KCNH8: variants seen among roughly 807,000 people sequenced by gnomAD.
The protein encoded by KCNH8 is potassium voltage-gated channel subfamily H member 8.
Under a neutral mutation model 103.6 loss-of-function variants are expected in KCNH8, and 70 were observed. That is an observed-to-expected ratio of 0.68 (90% confidence interval 0.56 to 0.82). The LOEUF (loss-of-function observed/expected upper bound fraction) is 0.82, where lower values mean the gene tolerates loss of function less well. Ranked by LOEUF, KCNH8 falls within the 40% of genes least tolerant of loss-of-function variation. The pLI is 0.00. For missense variants in KCNH8, 1,217 were observed against 1,329.9 expected (o/e 0.92, Z 1.32); for synonymous variants, 498 against 489.4 (o/e 1.02, Z -0.23).
At chr3:19,398,400 C>A (rs1177586418) in intron 7 of KCNH8, among the ~76,000 whole-genome samples, 1 of 151,850 alleles carries the variant, frequency 6.6e-6, no homozygotes. Context: ...TGTATAGATG[C>A]TGAGGAAAAG....
At chr3:19,359,538 G>T (rs190805007) in intron 5 of KCNH8, among the ~76,000 whole-genome samples, 101 of 152,026 alleles carry the variant, frequency 6.6e-4, no homozygotes, top group African/African-American at 2.3e-3. Context: ...TTCCTCAACC[G>T]TGGGACGACT....
At chr3:19,532,581 G>A (rs2069181200) in intron 15 of KCNH8, among the ~76,000 whole-genome samples, 1 of 152,160 alleles carries the variant, frequency 6.6e-6, no homozygotes, top group African/African-American at 2.4e-5. Context: ...CTCCAAATAG[G>A]TAGTAGTGCT....
At chr3:19,387,086 CACTGGATAGAAAACAGAGTA>C (rs563023622) in intron 5 of KCNH8, among the ~76,000 whole-genome samples, 3 of 152,234 alleles carry the variant, frequency 2.0e-5, no homozygotes, top group Non-Finnish European at 2.9e-5. Context: ...ACATCCTCAC[CACTGGATAGAAAACAGAGTA>C]ACTTCTCTGT....
chr3:19,246,459 T>C (rs1400996945), intron 1 of KCNH8, among the ~76,000 whole-genome samples: 1 of 151,848 alleles, frequency 6.6e-6, no homozygotes, highest in Non-Finnish European at 1.5e-5. Flanking sequence ...GTATTTTTAG[T>C]AGAGATGGGG....
At chr3:19,227,697 AG>A (rs2063947263) in intron 1 of KCNH8, among the ~76,000 whole-genome samples, 1 of 152,210 alleles carries the variant, frequency 6.6e-6, no homozygotes, top group Admixed American at 6.5e-5. Flanking sequence ...CTATAGATTC[AG>A]GGAAACACTC....
chr3:19,344,752 C>T (rs2065707068), intron 4 of KCNH8, among the ~76,000 whole-genome samples: 1 of 152,042 alleles, frequency 6.6e-6, no homozygotes, highest in Admixed American at 6.6e-5. Flanking sequence ...ATAACATTTG[C>T]ACACACAAAA....
chr3:19,293,107 C>T (rs188327638), intron 3 of KCNH8, among the ~76,000 whole-genome samples: 15 of 152,152 alleles, frequency 9.9e-5, no homozygotes, highest in African/African-American at 2.9e-4. Flanking sequence ...TTCTATATGC[C>T]AGACATATTA....
At chr3:19,296,075 A>G (rs746440992) in intron 3 of KCNH8, among the ~76,000 whole-genome samples, 14 of 152,306 alleles carry the variant, frequency 9.2e-5, no homozygotes, top group Non-Finnish European at 1.5e-4. Flanking sequence ...GATGCTTTAC[A>G]TAGATTTATA....
intron 1 of KCNH8, among the ~76,000 whole-genome samples, chr3:19,205,746 G>A (rs778032560): frequency 6.6e-6 from 1 of 151,970 alleles, no homozygotes; most frequent in Non-Finnish European, 1.5e-5. Context: ...GGAGGGAAGG[G>A]CATTCCAGGA....
At chr3:19,435,252 A>G (rs1369184745) in intron 7 of KCNH8, among the ~76,000 whole-genome samples, 1 of 152,186 alleles carries the variant, frequency 6.6e-6, no homozygotes, top group Non-Finnish European at 1.5e-5. Context: ...AAAAAATACA[A>G]CAAAATGATT....
At chr3:19,407,274 A>G (rs1295165331) in intron 7 of KCNH8, among the ~76,000 whole-genome samples, 2 of 152,128 alleles carry the variant, frequency 1.3e-5, no homozygotes, top group East Asian at 1.9e-4. Context: ...TCTTAAGTTC[A>G]TATCTTCCCT....
intron 1 of KCNH8, among the ~76,000 whole-genome samples, chr3:19,194,661 A>T (rs2063584031): frequency 6.6e-6 from 1 of 151,828 alleles, no homozygotes; most frequent in Admixed American, 6.6e-5. Context: ...AGGGGTTGAA[A>T]ACTACTTATT....
chr3:19,535,534 T>G lies in KCNH8; in HGVS notation c.*1435T>G, dbSNP rs1449020245. On this transcript the variant is annotated 3_prime_UTR_variant, in exon 16 of 16. Coordinates refer to ENST00000328405, the MANE Select transcript of KCNH8 (RefSeq NM_144633.3). The stretch of plus-strand genomic sequence containing the variant: ...TGTTTTAGAACAGTTACAGTCTAAT[T>G]GTCTTGGACATTTTGGGAAGATATA... The G allele has an allele frequency of 6.6e-6, 1 of 152,218 alleles. No homozygotes were observed. The highest frequency in any genetic ancestry group is 1.5e-5 in the Non-Finnish European group (1 of 68,038). 9.4% of individuals were successfully genotyped at this position (152,218 alleles called of 1,614,324 possible).
chr3:19,235,835 T>G lies in KCNH8; in HGVS notation c.77-17819T>G, dbSNP rs117758802. Among the ~76,000 whole-genome samples the G allele has an allele frequency of 1.1e-3, 170 of 152,326 alleles. No individual in the cohort carries two copies. In the East Asian group the frequency reaches 0.028, roughly 25 times the overall value. ...ATGACTTGATTTTCTTAAGCAATTA[T>G]TTTAGAAAAATGGCCAAAATTGAAA... On this transcript the variant is annotated intron_variant, in intron 1 of 15. Coordinates refer to ENST00000328405, the MANE Select transcript of KCNH8 (RefSeq NM_144633.3).
intron 11 of KCNH8, among the ~76,000 whole-genome samples, chr3:19,490,909 C>T (rs1257186162): frequency 6.6e-6 from 1 of 152,152 alleles, no homozygotes. Flanking sequence ...CTACTCAAGA[C>T]ATTCTGTTCT....
intron 8 of KCNH8, chr3:19,448,882 A>C (rs2067401526): frequency 1.4e-6 from 1 of 713,016 alleles, no homozygotes; most frequent in Non-Finnish European, 2.1e-6. Flanking sequence ...CTTAGAGTTG[A>C]ATTATCCATA....
intron 7 of KCNH8, among the ~76,000 whole-genome samples, chr3:19,425,739 T>C (rs1235765256): frequency 1.3e-5 from 2 of 152,162 alleles, no homozygotes; most frequent in Non-Finnish European, 2.9e-5. Flanking sequence ...AGAAAAAACA[T>C]TAACTGTATT....
chr3:19,533,064 C>T (rs934717973), intron 15 of KCNH8, among the ~76,000 whole-genome samples: 3 of 151,878 alleles, frequency 2.0e-5, no homozygotes, highest in Admixed American at 6.6e-5. Flanking sequence ...ATTAGCTGCA[C>T]GTTGTGGTGG....
chr3:19,295,479 G>C (rs1418479692), intron 3 of KCNH8, among the ~76,000 whole-genome samples: 3 of 152,118 alleles, frequency 2.0e-5, no homozygotes, highest in Admixed American at 6.6e-5. Context: ...CGCCTGTATG[G>C]ATATACATTC....
Sources: allele counts gnomAD v4.1 joint callset (sites outside exome capture counted in the v4.1 genomes callset), GRCh38; gene constraint gnomAD v4.1.1; transcripts MANE v1.5; gene names NCBI Gene and HGNC (gene_info 2026-07-23, HGNC 2026-07-21).